PERP: variants seen among roughly 807,000 people sequenced by gnomAD.
PERP encodes p53 apoptosis effector related to PMP22.
A neutral mutation model predicts 20.3 loss-of-function variants in PERP; 11 were observed. The observed-to-expected ratio is 0.54, with a 90% confidence interval of 0.34 to 0.90. PERP has a LOEUF of 0.90. PERP is among the 40% of genes least tolerant of loss of function. The probability of loss-of-function intolerance (pLI) is 0.02; values close to 1 mark genes in which losing one functional copy is unlikely to be tolerated. For synonymous variants in PERP, 101 were observed against 102.0 expected (o/e 0.99, Z 0.06); for missense variants, 224 against 249.4 (o/e 0.90, Z 0.69).
chr6:138,102,120 G>A (rs1207397406), intron 1 of PERP, among the ~76,000 whole-genome samples: 1 of 152,196 alleles, frequency 6.6e-6, no homozygotes, highest in Non-Finnish European at 1.5e-5. Flanking sequence ...GAGAATACAC[G>A]GGAGAGCATT....
chr6:138,092,335 C>T (rs984882925), intron 2 of PERP, 67 bp from the exon 3 acceptor site: 35 of 1,308,544 alleles, frequency 2.7e-5, no homozygotes, highest in Admixed American at 9.4e-5. Flanking sequence ...TACACATTAG[C>T]GACAGATTAC....
At chr6:138,100,902 T>A (rs1775761055) in intron 1 of PERP, among the ~76,000 whole-genome samples, 1 of 152,230 alleles carries the variant, frequency 6.6e-6, no homozygotes, top group Non-Finnish European at 1.5e-5. Context: ...ACGGAAACCA[T>A]TTAACGATCA....
At chr6:138,093,612 A>G (rs535230082) in intron 2 of PERP, among the ~76,000 whole-genome samples, 2 of 152,298 alleles carry the variant, frequency 1.3e-5, no homozygotes, top group Admixed American at 1.3e-4. Flanking sequence ...ATGCTTTTCT[A>G]TGTTGACTTC....
intron 1 of PERP, among the ~76,000 whole-genome samples, chr6:138,106,777 G>T (rs1775847841): frequency 6.6e-6 from 1 of 151,880 alleles, no homozygotes; most frequent in Admixed American, 6.6e-5. Context: ...GAAATGGGAA[G>T]AAATTTCAGG....
At chr6:138,097,683 T>A (rs2114336469) in intron 1 of PERP, among the ~76,000 whole-genome samples, 1 of 152,334 alleles carries the variant, frequency 6.6e-6, no homozygotes, top group South Asian at 2.1e-4. Context: ...GCCACACAGC[T>A]GGTAAATGGT....
In PERP at chr6:138,091,421, C is replaced by T. The variant is rs1303282689; in HGVS notation, c.*621G>A. 5 of 152,214 alleles carry T rather than the reference C, an allele frequency of 3.3e-5. No homozygotes were observed. The highest frequency in any genetic ancestry group is 1.2e-4 in the African/African-American group (5 of 41,438). The allele number at this position is 152,214 out of a possible 1,614,324, so 9.4% of individuals were successfully genotyped here. A position where few individuals can be genotyped will look rare whatever the true frequency, so the allele number is the denominator to read the frequency against. ...TACCAACTATGGCAACAGGTTTGGA[C>T]CATGAAATAGTACTTTCCTAGATGA... On this transcript the variant is annotated 3_prime_UTR_variant, in exon 3 of 3. Coordinates refer to ENST00000421351, the MANE Select transcript of PERP (RefSeq NM_022121.5).
At position 138,089,302 on chromosome 6, in the gene PERP, T is replaced by G. The variant is rs1245647546; in HGVS notation, c.*2740A>C. On this transcript the variant is annotated 3_prime_UTR_variant, in exon 3 of 3. Transcript: ENST00000421351. ...AAAAAAAATAAACCGAATTAAGTTA[T>G]GATGACTATATTTTCCATTGTTTTC... 1 of 152,104 alleles carries G rather than the reference T, an allele frequency of 6.6e-6. No individual in the cohort carries two copies. The highest frequency in any genetic ancestry group is 2.4e-5 in the African/African-American group (1 of 41,430). The allele number at this position is 152,104 out of a possible 1,614,324, so 9.4% of individuals were successfully genotyped here. A position where few individuals can be genotyped will look rare whatever the true frequency, so the allele number is the denominator to read the frequency against.
At chr6:138,093,908 C>T (rs1359568312) in intron 2 of PERP, among the ~76,000 whole-genome samples, 1 of 150,374 alleles carries the variant, frequency 6.7e-6, no homozygotes, top group East Asian at 1.9e-4. Context: ...ATTTTTCATA[C>T]TCTTTAAAGG....
intron 1 of PERP, among the ~76,000 whole-genome samples, chr6:138,105,169 G>T (rs1056821714): frequency 6.6e-6 from 1 of 152,112 alleles, no homozygotes; most frequent in Non-Finnish European, 1.5e-5. Flanking sequence ...AATTAACTTT[G>T]CAAAGGTAGC....
intron 1 of PERP, among the ~76,000 whole-genome samples, chr6:138,098,280 A>T (rs1775726450): frequency 6.6e-6 from 1 of 152,148 alleles, no homozygotes. Flanking sequence ...GTCCTCACTT[A>T]ATTCTAGGTT....
At chr6:138,093,022 G>C (rs941920721) in intron 2 of PERP, among the ~76,000 whole-genome samples, 1 of 152,128 alleles carries the variant, frequency 6.6e-6, no homozygotes, top group Non-Finnish European at 1.5e-5. Flanking sequence ...TGGCATAATA[G>C]TCACATTATT....
At chr6:138,106,836 C>A (rs114381562) in intron 1 of PERP, among the ~76,000 whole-genome samples, 2,428 of 150,874 alleles carry the variant, frequency 0.016, 66 homozygotes, top group African/African-American at 0.056. Flanking sequence ...ACTTGCAATG[C>A]TTGAAATAAT....
rs1404789650 is a variant in PERP, at chr6:138,090,357, C to T, written c.*1685G>A. ...TGACTTATGGTGGGAAAAAAAATAA[C>T]AAATGATAAAATGGGAAGGAGGGCA... On this transcript the variant is annotated 3_prime_UTR_variant, in exon 3 of 3. Transcript: ENST00000421351. 1 of 152,014 alleles carries T rather than the reference C, an allele frequency of 6.6e-6. No homozygotes were observed. The highest frequency in any genetic ancestry group is 1.9e-4 in the East Asian group (1 of 5,196). 9.4% of individuals were successfully genotyped at this position (152,014 alleles called of 1,614,324 possible).
intron 1 of PERP, among the ~76,000 whole-genome samples, chr6:138,106,834 TG>T (rs1265708368): frequency 6.6e-6 from 1 of 151,700 alleles, no homozygotes; most frequent in African/African-American, 2.4e-5. Context: ...AAACTTGCAA[TG>T]CTTGAAATAA....
At chr6:138,102,216 A>T (rs935794318) in intron 1 of PERP, among the ~76,000 whole-genome samples, 7 of 152,252 alleles carry the variant, frequency 4.6e-5, no homozygotes, top group Admixed American at 6.5e-5. Context: ...TTAACCCTTA[A>T]TAACCTTCTT....
intron 1 of PERP, among the ~76,000 whole-genome samples, chr6:138,106,615 T>G (rs747117780): frequency 6.6e-6 from 1 of 152,230 alleles, no homozygotes; most frequent in Non-Finnish European, 1.5e-5. Flanking sequence ...AAATATCTAT[T>G]GAAAACGTTA....
rs1187211704 is a variant in PERP, at chr6:138,090,916, A to G, written c.*1126T>C. 1.3e-5 allele frequency: 2 copies of G among 152,666 alleles called. No individual in the cohort carries two copies. Among genetic ancestry groups the G allele is most frequent in the Non-Finnish European group, 2.9e-5 (2 of 68,032 alleles). The allele number at this position is 152,666 out of a possible 1,614,324, so 9.5% of individuals were successfully genotyped here. On this transcript the variant is annotated 3_prime_UTR_variant, in exon 3 of 3. Coordinates refer to ENST00000421351, the MANE Select transcript of PERP (RefSeq NM_022121.5). ...ATTATGTAAGTCGAAATGGTAAAAAATCATAATGACCTATCCGATGCATCA... is the reference window on the plus strand; with the variant it reads ...ATTATGTAAGTCGAAATGGTAAAAAGTCATAATGACCTATCCGATGCATCA...
chr6:138,088,649 C>A lies in PERP; in HGVS notation c.*3393G>T, dbSNP rs1161241160. 1 of 152,186 alleles carries A rather than the reference C, an allele frequency of 6.6e-6. No homozygotes were observed. Among genetic ancestry groups the A allele is most frequent in the Non-Finnish European group, 1.5e-5 (1 of 68,058 alleles). The allele number at this position is 152,186 out of a possible 1,614,324, so 9.4% of individuals were successfully genotyped here. On this transcript the variant is annotated 3_prime_UTR_variant, in exon 3 of 3. Coordinates refer to ENST00000421351, the MANE Select transcript of PERP (RefSeq NM_022121.5). Reference sequence around the variant, plus strand: ...TCCCTTTCTTGGCTTTTTCCACACCCTAGGTGGATTACACTCACCCTGACA... The same window carrying A: ...TCCCTTTCTTGGCTTTTTCCACACCATAGGTGGATTACACTCACCCTGACA...
intron 1 of PERP, among the ~76,000 whole-genome samples, chr6:138,099,072 C>A (rs1224185827): frequency 6.6e-6 from 1 of 152,188 alleles, no homozygotes; most frequent in Non-Finnish European, 1.5e-5. Context: ...TCAGACCTCT[C>A]AAAGTACAGC....
Sources: gnomAD v4.1 joint callset for allele counts (sites outside exome capture counted in the v4.1 genomes callset) on GRCh38, gnomAD v4.1.1 for gene constraint, MANE v1.5 for transcripts, NCBI Gene and HGNC (gene_info 2026-07-23, HGNC 2026-07-21) for gene names.